The following TBC1D19 variants were observed in gnomAD, a reference collection of about 807,000 sequenced individuals.
TBC1D19 encodes TBC1 domain family, member 19.
In TBC1D19, 60 loss-of-function variants were observed where a neutral mutation model predicts 89.0. That is an observed-to-expected ratio of 0.67 (90% CI 0.55 to 0.84). TBC1D19 has a LOEUF of 0.84. Among genes scored for constraint, TBC1D19 ranks in the 40% least tolerant of loss-of-function variants. The pLI is 0.00. For synonymous variants in TBC1D19, 189 were observed against 199.7 expected, an observed-to-expected ratio of 0.95 and a Z score of 0.45; for missense variants, 500 against 610.8, an observed-to-expected ratio of 0.82 and a Z score of 1.91.
At chr4:26,650,417 A>T (rs894920655) in intron 7 of TBC1D19, among the ~76,000 whole-genome samples, 1 of 152,154 alleles carries the variant, frequency 6.6e-6, no homozygotes, top group African/African-American at 2.4e-5. Context: ...AACTGGTGTG[A>T]GATGGTATCT....
chr4:26,789,161 C>T, the TBC1D19 span, among the ~76,000 whole-genome samples: 1 of 152,194 alleles, frequency 6.6e-6, no homozygotes, highest in Non-Finnish European at 1.5e-5. Flanking sequence ...GAGCAAGTTT[C>T]TTAAACTTCT....
intron 15 of TBC1D19, among the ~76,000 whole-genome samples, chr4:26,723,792 T>G (rs942937312): frequency 6.6e-6 from 1 of 152,182 alleles, no homozygotes; most frequent in African/African-American, 2.4e-5. Flanking sequence ...AGGAGGGTGA[T>G]CCACAGTAAA....
chr4:26,731,634 C>G (rs1437295604), intron 15 of TBC1D19, among the ~76,000 whole-genome samples: 3 of 152,004 alleles, frequency 2.0e-5, no homozygotes, highest in Non-Finnish European at 4.4e-5. Context: ...AACAAGTATA[C>G]AGAGTCTCAG....
chr4:26,737,839 A>G (rs1045493277), intron 16 of TBC1D19, among the ~76,000 whole-genome samples: 1 of 152,066 alleles, frequency 6.6e-6, no homozygotes, highest in African/African-American at 2.4e-5. Flanking sequence ...CAGATCTTTA[A>G]TGATAGGCTG....
At chr4:26,793,981 T>C in the TBC1D19 span, among the ~76,000 whole-genome samples, 38,001 of 152,098 alleles carry the variant, frequency 0.25, 5,830 homozygotes, top group Non-Finnish European at 0.35. Flanking sequence ...CCCAGACAGA[T>C]ACAGAACCCT....
At chr4:26,798,324 A>G in the TBC1D19 span, among the ~76,000 whole-genome samples, 1 of 152,326 alleles carries the variant, frequency 6.6e-6, no homozygotes, top group Non-Finnish European at 1.5e-5. Context: ...TAATTATCAG[A>G]GAAATGCAAA....
the TBC1D19 span, among the ~76,000 whole-genome samples, chr4:26,798,181 C>T: frequency 5.9e-5 from 9 of 152,070 alleles, no homozygotes; most frequent in Non-Finnish European, 8.8e-5. Flanking sequence ...CTACAAGGAA[C>T]TCAAACAACT....
chr4:26,802,195 CAA>C, the TBC1D19 span, among the ~76,000 whole-genome samples: 2 of 152,016 alleles, frequency 1.3e-5, no homozygotes, highest in Non-Finnish European at 2.9e-5. Flanking sequence ...AAACAGGAAA[CAA>C]AGTGAGTATC....
intron 1 of TBC1D19, among the ~76,000 whole-genome samples, chr4:26,577,930 A>G (rs1323958306): frequency 3.3e-5 from 5 of 152,250 alleles, no homozygotes; most frequent in Admixed American, 3.3e-4. Context: ...AGATAAAACA[A>G]GAGCATTCAA....
At chr4:26,715,352 C>T (rs374013688) in intron 13 of TBC1D19, among the ~76,000 whole-genome samples, 1 of 152,044 alleles carries the variant, frequency 6.6e-6, no homozygotes, top group East Asian at 1.9e-4. Flanking sequence ...TCATCTCAAT[C>T]TATCAGTAAC....
chr4:26,659,812 C>G (rs1430289624), intron 8 of TBC1D19, 105 bp downstream of exon 8: 2 of 592,410 alleles, frequency 3.4e-6, no homozygotes, highest in Non-Finnish European at 5.4e-6. Context: ...ACTCATTAAA[C>G]AAATTAATAA....
the TBC1D19 span, chr4:26,858,643 C>G: frequency 6.6e-6 from 1 of 152,202 alleles, no homozygotes; most frequent in Middle Eastern, 3.2e-3. Context: ...TGACACGTAC[C>G]TCTCTCTGTT....
At chr4:26,819,524 G>T in the TBC1D19 span, among the ~76,000 whole-genome samples, 22 of 152,160 alleles carry the variant, frequency 1.4e-4, no homozygotes, top group Non-Finnish European at 2.8e-4. Flanking sequence ...GGTCCAAGCT[G>T]CCACTGACTC....
At chr4:26,711,426 G>A (rs373039801) in intron 13 of TBC1D19, among the ~76,000 whole-genome samples, 2 of 151,924 alleles carry the variant, frequency 1.3e-5, no homozygotes, top group East Asian at 1.9e-4. Flanking sequence ...ATAGTTTTAC[G>A]TTAAAGTGAT....
chr4:26,654,100 A>G (rs28838894), intron 7 of TBC1D19, among the ~76,000 whole-genome samples: 1 of 152,096 alleles, frequency 6.6e-6, no homozygotes, highest in African/African-American at 2.4e-5. Context: ...ATTTGCTTGT[A>G]TGTAAAGGAT....
intron 13 of TBC1D19, among the ~76,000 whole-genome samples, chr4:26,693,072 G>A (rs542671875): frequency 6.7e-6 from 1 of 150,146 alleles, no homozygotes; most frequent in Admixed American, 6.6e-5. Context: ...GTTGCAGTGA[G>A]CCAAGATTGC....
chr4:26,577,592 A>G (rs1739000257), intron 1 of TBC1D19, among the ~76,000 whole-genome samples: 1 of 152,230 alleles, frequency 6.6e-6, no homozygotes. Flanking sequence ...AGCAGATGCT[A>G]AAATAAGAAT....
rs914921123 is a variant in TBC1D19, at chr4:26,742,443, G to T, written c.1228-65G>T. 7 of 1,307,760 alleles carry T rather than the reference G, an allele frequency of 5.4e-6. No individual in the cohort carries two copies. The African/African-American group carries it at 9.1e-5, about 17-fold the overall frequency. The allele number at this position is 1,307,760 out of a possible 1,614,324, so 81.0% of individuals were successfully genotyped here. On this transcript the variant is annotated intron_variant, in intron 17 of 20. Coordinates refer to ENST00000264866, the MANE Select transcript of TBC1D19 (RefSeq NM_018317.4). ...TTCTCATTTTCCATTTGAATAATTTGTTGGCATAGTTAATTTTTAAATATT... is the reference window on the plus strand; with the variant it reads ...TTCTCATTTTCCATTTGAATAATTTTTTGGCATAGTTAATTTTTAAATATT...
chr4:26,603,973 C>T (rs546060348), intron 1 of TBC1D19, among the ~76,000 whole-genome samples: 4 of 152,226 alleles, frequency 2.6e-5, no homozygotes, highest in African/African-American at 9.6e-5. Flanking sequence ...CATTCTCCCC[C>T]TCTTCAACCT....
Sources: allele counts gnomAD v4.1 joint callset (sites outside exome capture counted in the v4.1 genomes callset), GRCh38; gene constraint gnomAD v4.1.1; transcripts MANE v1.5; gene names NCBI Gene and HGNC (gene_info 2026-07-23, HGNC 2026-07-21).